Variants in BCAR1 observed in about 807,000 individuals in gnomAD.
BCAR1 encodes the protein breast cancer anti-estrogen resistance protein 1.
BCAR1 carries 30 observed loss-of-function variants against 67.6 expected under a neutral mutation model. That is an observed-to-expected ratio of 0.44 (90% CI 0.33 to 0.60). The LOEUF is 0.60. BCAR1 is among the 20% of genes least tolerant of loss of function. BCAR1 has a pLI of 0.02. For synonymous variants in BCAR1, 626 were observed against 556.7 expected, an observed-to-expected ratio of 1.12 and a Z score of -1.75; for missense variants, 1,313 against 1,222.3, an observed-to-expected ratio of 1.07 and a Z score of -1.11.
intron 1 of BCAR1, chr16:75,249,642 T>G (rs2077615651): frequency 6.6e-6 from 1 of 152,192 alleles, no homozygotes; most frequent in East Asian, 1.9e-4. Flanking sequence ...AGCTGACCAG[T>G]TGGTTTAGCC....
intron 1 of BCAR1, 126 bp downstream of exon 1, chr16:75,251,345 C>A: frequency 7.6e-7 from 1 of 1,322,804 alleles, no homozygotes. Flanking sequence ...GATCCCAGGG[C>A]CGCGGACCCC....
chr16:75,264,219 G>T, intron 1 of BCAR1: 1 of 1,354,536 alleles, frequency 7.4e-7, no homozygotes, highest in Non-Finnish European at 9.5e-7. Context: ...TGCCATCCCA[G>T]ACTCCATGCC....
intron 2 of BCAR1, chr16:75,239,074 C>A (rs552530434): frequency 1.0e-6 from 1 of 985,292 alleles, no homozygotes; most frequent in African/African-American, 1.7e-5. Flanking sequence ...GGAGCTGAGT[C>A]GGGTGGCAGT....
chr16:75,255,884 A>G (rs537233880), upstream of BCAR1, among the ~76,000 whole-genome samples: 68 of 152,186 alleles, frequency 4.5e-4, no homozygotes, highest in African/African-American at 1.6e-3. Flanking sequence ...CCAGCTACTC[A>G]GGAGGCTGAG....
chr16:75,253,885 G>A (rs561919837), upstream of BCAR1, among the ~76,000 whole-genome samples: 3 of 152,116 alleles, frequency 2.0e-5, no homozygotes, highest in Non-Finnish European at 2.9e-5. Flanking sequence ...CAGCCTCTGC[G>A]CCCAGCCAGT....
Position 75,235,850 on chromosome 16 carries a change from G to A in BCAR1, c.1049C>T (p.Ala350Val), listed in dbSNP as rs780148218. ...GGCCGGCGGGGAGTCTGGAGGGGGC[G>A]CAGCCAGTACCAGTGGGGTGCGGGC... ...DPARTPLVLA[A>V]PPPDSPPAED... Residue 350 changes from alanine to valine, a missense_variant, in exon 5 of 7, where the codon GCG becomes GTG. Physicochemically the swap from Ala to Val is moderately conservative, Grantham distance 64. Transcript: ENST00000162330. 16 of 1,566,722 alleles carry A rather than the reference G, an allele frequency of 1.0e-5. No individual in the cohort carries two copies. The highest frequency in any genetic ancestry group is 4.1e-5 in the African/African-American group (3 of 73,964).
In BCAR1 at chr16:75,235,568, A is replaced by G. The variant is rs1567592110; in HGVS notation, c.1331T>C (p.Leu444Ser). Residue 444 changes from leucine (L) to serine (S), a missense_variant, in exon 5 of 7, where the codon TTG (leucine) becomes TCG (serine). Around this residue, in one of 2 missense-constraint regions of BCAR1, gnomAD observed 1,272 missense variants for 1,137.5 expected, o/e 1.12. Coordinates refer to ENST00000162330, the MANE Select transcript of BCAR1 (RefSeq NM_014567.5). The part of the protein sequence containing the change: ...STRSSQSASS[L>S]EVAGPGREPL... Reference sequence around the variant, plus strand: ...TTCCCGGCCCGGCCCTGCCACCTCCAAGGAGGACGCAGACTGGCTGCTGCG... The same window carrying G: ...TTCCCGGCCCGGCCCTGCCACCTCCGAGGAGGACGCAGACTGGCTGCTGCG... 1 of 1,596,872 alleles carries G rather than the reference A, an allele frequency of 6.3e-7. No individual in the cohort carries two copies. Among genetic ancestry groups the G allele is most frequent in the East Asian group, 2.3e-5 (1 of 44,004 alleles).
chr16:75,241,709 T>TA (rs2077348622), intron 2 of BCAR1, among the ~76,000 whole-genome samples: 1 of 151,974 alleles, frequency 6.6e-6, no homozygotes, highest in African/African-American at 2.4e-5. Flanking sequence ...GGGGTGGGGG[T>TA]AACTCCCAGC....
At chr16:75,261,480 C>T (rs1398374194) in intron 1 of BCAR1, among the ~76,000 whole-genome samples, 1 of 152,272 alleles carries the variant, frequency 6.6e-6, no homozygotes, top group Non-Finnish European at 1.5e-5. Flanking sequence ...CCCGTGCTGG[C>T]CCGACTGCTG....
upstream of BCAR1, chr16:75,251,916 G>A (rs899731750): frequency 4.1e-6 from 2 of 487,594 alleles, no homozygotes; most frequent in Non-Finnish European, 7.3e-6. Context: ...ACGCACCGAA[G>A]GCCTACGCAA....
chr16:75,236,179 C>T (rs138099172), intron 4 of BCAR1, 193 bp from the exon 5 acceptor site: 210 of 666,334 alleles, frequency 3.2e-4, no homozygotes, highest in Non-Finnish European at 3.6e-4. Flanking sequence ...CACACACACT[C>T]GCAGCCCTAG....
intron 1 of BCAR1, chr16:75,265,288 C>G (rs768730060): frequency 6.6e-6 from 1 of 152,358 alleles, no homozygotes; most frequent in African/African-American, 2.4e-5. Context: ...GTGGCTCCGG[C>G]GACTGGCAGA....
chr16:75,234,831 T>TA (rs2077042417), intron 5 of BCAR1, 58 bp downstream of exon 5: 1 of 1,510,020 alleles, frequency 6.6e-7, no homozygotes, highest in African/African-American at 1.4e-5. Context: ...AATCTCCCCC[T>TA]AAGCACAGGA....
At chr16:75,255,211 T>C (rs543247694), upstream of BCAR1, among the ~76,000 whole-genome samples, 62 of 152,034 alleles carry the variant, frequency 4.1e-4, no homozygotes, top group Non-Finnish European at 8.1e-4. Flanking sequence ...GTTTGCACAG[T>C]GTAAAGGCAC....
chr16:75,267,828 T>C, intron 1 of BCAR1: 1 of 1,423,802 alleles, frequency 7.0e-7, no homozygotes, highest in Non-Finnish European at 9.6e-7. Flanking sequence ...TCCTGCCTCT[T>C]ACCGCCCCAG....
rs1260741316 is a variant in BCAR1 at position 75,251,538 on chromosome 16, G to C, written c.-56C>G. 1.0e-5 allele frequency: 12 copies of C among 1,203,378 alleles called. No homozygotes were observed. The highest frequency in any genetic ancestry group is 1.6e-5 in the African/African-American group (1 of 62,510). The allele number at this position is 1,203,378 out of a possible 1,614,324, so 74.5% of individuals were successfully genotyped here. Reference sequence around the variant, plus strand: ...CGCGGGGGCGCACACCGAGCTGCCCGGGCCGCGTGCCCTCGGGGCTCCGAG... The same window carrying C: ...CGCGGGGGCGCACACCGAGCTGCCCCGGCCGCGTGCCCTCGGGGCTCCGAG... On this transcript the variant is annotated 5_prime_UTR_variant, in exon 1 of 7. Transcript: ENST00000162330.
intron 3 of BCAR1, 39 bp from the exon 4 acceptor site, chr16:75,237,037 C>T: frequency 6.5e-7 from 1 of 1,546,298 alleles, no homozygotes; most frequent in Non-Finnish European, 8.8e-7. Context: ...GCGCCAGGGC[C>T]ACTTGGGGGA....
chr16:75,250,588 C>A (rs2077649951), intron 1 of BCAR1: 1 of 969,494 alleles, frequency 1.0e-6, no homozygotes, highest in Non-Finnish European at 1.2e-6. Context: ...CGATCTGGAA[C>A]TCGAAACCCC....
rs1031972244 is a variant in BCAR1, at chr16:75,235,926, C to G, written c.973G>C (p.Glu325Gln). The change falls in exon 5 of 7, where the codon GAG (glutamate) becomes CAG (glutamine). Residue 325 changes from glutamate (E) to glutamine (Q), a missense_variant. Transcript: ENST00000162330. ...DVPDGPLLREETYDVPPAFAK... is the reference protein window; with the variant it reads ...DVPDGPLLREQTYDVPPAFAK... ...AAGGCGGGGGGCACATCGTAGGTCT[C>G]CTCACGCAGCAGTGGGCCATCGGGC... 1.9e-6 allele frequency: 3 copies of G among 1,570,432 alleles called. No individual in the cohort carries two copies. The highest frequency in any genetic ancestry group is 2.6e-6 in the Non-Finnish European group (3 of 1,157,572).
Sources: gnomAD v4.1 joint callset for allele counts (sites outside exome capture counted in the v4.1 genomes callset) on GRCh38, gnomAD v4.1.1 for gene constraint, gnomAD v4.1.1 regional missense constraint, MANE v1.5 for transcripts, NCBI Gene and HGNC (gene_info 2026-07-23, HGNC 2026-07-21) for gene names.